The following PIKFYVE variants were observed in gnomAD, a reference collection of about 807,000 sequenced individuals.
PIKFYVE encodes phosphoinositide kinase, FYVE-type zinc finger containing.
Under a neutral mutation model 257.9 loss-of-function variants are expected in PIKFYVE, and 122 were observed. The ratio of observed to expected loss-of-function variants is 0.47; its 90% CI spans 0.41 to 0.55. The LOEUF (loss-of-function observed/expected upper bound fraction) is 0.55. Ranked by LOEUF, PIKFYVE falls within the 20% of genes least tolerant of loss-of-function variation. The pLI, the probability that PIKFYVE is intolerant of heterozygous loss-of-function variation, is 0.00. For synonymous variants in PIKFYVE, 892 were observed against 868.9 expected (o/e 1.03, Z -0.47); for missense variants, 2,160 against 2,536.6 (o/e 0.85, Z 3.19).
In PIKFYVE at chr2:208,335,379, A is replaced by G. The variant is rs781033395; in HGVS notation, c.4216A>G (p.Lys1406Glu). 3 of 1,612,114 alleles carry G rather than the reference A, an allele frequency of 1.9e-6. No individual in the cohort carries two copies. The African/African-American group carries it at 4.0e-5, about 22-fold the overall frequency. Residue 1406 changes from lysine to glutamate, a missense_variant, in exon 25 of 42, where the codon AAA becomes GAA. Transcript: ENST00000264380. The part of the protein sequence containing the change: ...KIFIKRQAPL[K>E]VSLLQDLKDF... ...ATTCATTAAGCGTCAGGCCCCATTA[A>G]AAGTGTCCCTTCTTCAGGATCTGAA...
chr2:208,309,880 A>T (rs1694760216), intron 12 of PIKFYVE, among the ~76,000 whole-genome samples: 1 of 152,326 alleles, frequency 6.6e-6, no homozygotes, highest in African/African-American at 2.4e-5. Context: ...CTAGATCTAG[A>T]ATTAAAAAGA....
rs200445372 is a variant in PIKFYVE at position 208,321,579 on chromosome 2, T to TC, written c.2190+1220_2190+1221insC. On this transcript the variant is annotated intron_variant, in intron 17 of 41. Transcript: ENST00000264380. ...TTTTTCTTTTTCTTTTCTTTTGTTT[T>TC]TTTTTTTTTTTTTTTGAGACGAAGT... Among the ~76,000 whole-genome samples, 65 of 120,272 alleles carry TC rather than the reference T, an allele frequency of 5.4e-4. 3 individuals are homozygous for TC. Among genetic ancestry groups the TC allele is most frequent in the Middle Eastern group, 4.0e-3 (1 of 250 alleles). The allele number at this position is 120,272 out of a possible 152,430, so 78.9% of individuals were successfully genotyped here. A position where few individuals can be genotyped will look rare whatever the true frequency, so the allele number is the denominator to read the frequency against.
At chr2:208,288,965 C>T (rs1004679685) in intron 7 of PIKFYVE, 147 bp downstream of exon 7, 9 of 1,096,488 alleles carry the variant, frequency 8.2e-6, no homozygotes, top group South Asian at 4.6e-5. Flanking sequence ...TTTCTTTTTG[C>T]TATTCAGCCC....
At chr2:208,327,585 A>T (rs754911988) in intron 20 of PIKFYVE, among the ~76,000 whole-genome samples, 3 of 152,208 alleles carry the variant, frequency 2.0e-5, no homozygotes, top group Non-Finnish European at 4.4e-5. Context: ...TTAGGAAGTG[A>T]TGTGTGTATG....
intron 7 of PIKFYVE, among the ~76,000 whole-genome samples, chr2:208,294,888 G>C (rs1254791310): frequency 6.6e-6 from 1 of 152,230 alleles, no homozygotes; most frequent in Non-Finnish European, 1.5e-5. Flanking sequence ...CTGGAAGCCA[G>C]AAGCCGGAGG....
intron 7 of PIKFYVE, among the ~76,000 whole-genome samples, chr2:208,297,424 G>T (rs1693121602): frequency 1.3e-5 from 2 of 152,074 alleles, no homozygotes; most frequent in Non-Finnish European, 2.9e-5. Context: ...GTGATTTCCT[G>T]TTAACTGACA....
At chr2:208,306,479 A>G (rs552355114) in intron 12 of PIKFYVE, among the ~76,000 whole-genome samples, 6 of 152,346 alleles carry the variant, frequency 3.9e-5, no homozygotes, top group African/African-American at 1.4e-4. Flanking sequence ...AATGTGAAGT[A>G]TACTTTTGAC....
At chr2:208,305,427 T>C in intron 12 of PIKFYVE, 1 of 1,034,554 alleles carries the variant, frequency 9.7e-7, no homozygotes, top group Non-Finnish European at 1.2e-6. Flanking sequence ...CTAAACCCAT[T>C]AAGATGCTTG....
In PIKFYVE at chr2:208,336,155, C is replaced by T. The variant is rs1243411474; in HGVS notation, c.4475C>T (p.Ala1492Val). 5.0e-6 allele frequency: 8 copies of T among 1,613,952 alleles called. No individual in the cohort carries two copies. The highest frequency in any genetic ancestry group is 6.8e-6 in the Non-Finnish European group (8 of 1,179,952). ...QLQSVFESLI[A>V]KKQSLCEVLQ... ...CAGTCGGTCTTTGAGTCACTCATTG[C>T]CAAGAAACAAAGTCTCTGTGAAGTG... Residue 1492 changes from alanine to valine, a missense_variant, in exon 27 of 42, where the codon GCC (alanine) becomes GTC (valine). Ala to Val is a moderately conservative substitution (Grantham distance 64, BLOSUM62 0). Coordinates refer to ENST00000264380, the MANE Select transcript of PIKFYVE (RefSeq NM_015040.4).
Position 208,271,594 on chromosome 2 carries a change from T to G in PIKFYVE, c.75T>G (p.Ser25=). The G allele has an allele frequency of 6.2e-7, 1 of 1,614,136 alleles. No individual in the cohort carries two copies. The highest frequency in any genetic ancestry group is 8.5e-7 in the Non-Finnish European group (1 of 1,179,952). ...TGCCTCGATCTCCTACTAGTCCTTC[T>G]CATCTCACACACTTTAAACCTTTGA... ...NDLPRSPTSP[S]HLTHFKPLTP... Residue 25 remains serine, a synonymous_variant, in exon 2 of 42, where the codon TCT becomes TCG. Coordinates refer to ENST00000264380, the MANE Select transcript of PIKFYVE (RefSeq NM_015040.4).
At chr2:208,316,516 C>T (rs1407186430) in intron 15 of PIKFYVE, among the ~76,000 whole-genome samples, 1 of 151,998 alleles carries the variant, frequency 6.6e-6, no homozygotes, top group Non-Finnish European at 1.5e-5. Context: ...GTTCCTATTT[C>T]TCCACATCCT....
intron 5 of PIKFYVE, among the ~76,000 whole-genome samples, chr2:208,284,905 ACAGTCCTCCCGCCCTCAAG>A (rs567949076): frequency 1.3e-5 from 2 of 151,384 alleles, no homozygotes; most frequent in South Asian, 2.1e-4. Flanking sequence ...CTGCCCTCAA[ACAGTCCTCCCGCCCTCAAG>A]CAGTCCTTCT....
chr2:208,289,100 A>G (rs866525567), intron 7 of PIKFYVE, among the ~76,000 whole-genome samples: 2 of 152,288 alleles, frequency 1.3e-5, no homozygotes, highest in East Asian at 1.9e-4. Context: ...CCATGTGGAC[A>G]TTTTGTGGAG....
chr2:208,314,424 G>A lies in PIKFYVE; in HGVS notation c.1826+1G>A, dbSNP rs1453470148. On this transcript the variant is annotated splice_donor_variant, in intron 14 of 41. Coordinates refer to ENST00000264380, the MANE Select transcript of PIKFYVE (RefSeq NM_015040.4). LOFTEE classifies it high-confidence loss of function. ...AGAAACAAGCCATGGAGAGGTTGCT[G>A]TAAGGCAATGAAATTTTTAATTTTA... The A allele has an allele frequency of 6.2e-7, 1 of 1,613,468 alleles. No individual in the cohort carries two copies. The highest frequency in any genetic ancestry group is 2.2e-5 in the East Asian group (1 of 44,788).
rs1009595659 is a variant in PIKFYVE at position 208,273,484 on chromosome 2, A to G, written c.173-100A>G. The G allele has an allele frequency of 3.5e-5, 49 of 1,397,758 alleles. No individual in the cohort carries two copies. The Admixed American group carries it at 7.3e-4, about 21-fold the overall frequency. 86.6% of individuals were successfully genotyped at this position (1,397,758 alleles called of 1,614,324 possible). The stretch of plus-strand genomic sequence containing the variant: ...AAAAAAAAAATTTTTAGTTACGCAT[A>G]TAATACATGCATACATTGTTGCCTG... On this transcript the variant is annotated intron_variant, in intron 2 of 41. Coordinates refer to ENST00000264380, the MANE Select transcript of PIKFYVE (RefSeq NM_015040.4).
chr2:208,352,189 A>G (rs1320523276), intron 38 of PIKFYVE, among the ~76,000 whole-genome samples: 1 of 152,140 alleles, frequency 6.6e-6, no homozygotes, highest in African/African-American at 2.4e-5. Flanking sequence ...CTGAGACTGA[A>G]ATTTGAAACG....
At chr2:208,315,103 ATTTC>A (rs1458996022) in intron 14 of PIKFYVE, 86 bp from the exon 15 acceptor site, 6 of 1,181,016 alleles carry the variant, frequency 5.1e-6, no homozygotes, top group Non-Finnish European at 7.4e-6. Flanking sequence ...TGAAATGTTT[ATTTC>A]TTTGTAGGCT....
At chr2:208,279,658 C>G (rs561630589) in intron 5 of PIKFYVE, among the ~76,000 whole-genome samples, 3 of 152,268 alleles carry the variant, frequency 2.0e-5, no homozygotes, top group Non-Finnish European at 1.5e-5. Context: ...AATAGAGAGT[C>G]CTTTCCCTGT....
At position 208,354,095 on chromosome 2, in the gene PIKFYVE, T is replaced by A. The variant is rs569039769; in HGVS notation, c.6042T>A (p.Ile2014=). 1.2e-6 allele frequency: 2 copies of A among 1,613,958 alleles called. No individual in the cohort carries two copies. Among genetic ancestry groups the A allele is most frequent in the African/African-American group, 2.7e-5 (2 of 75,040 alleles). Residue 2014 remains isoleucine (I), a synonymous_variant, in exon 40 of 42, where the codon ATT becomes ATA. Transcript: ENST00000264380. The part of the protein sequence containing the change: ...SDSHFLSSHL[I]IDYSLLVGRD... The stretch of plus-strand genomic sequence containing the variant: ...CCCATTTCCTTTCTAGCCACCTCAT[T>A]ATAGATTATTCTTTGCTGGTTGGGC...
Sources: gnomAD v4.1 joint callset for allele counts (sites outside exome capture counted in the v4.1 genomes callset) on GRCh38, gnomAD v4.1.1 for gene constraint, MANE v1.5 for transcripts, NCBI Gene and HGNC (gene_info 2026-07-23, HGNC 2026-07-21) for gene names.